The following RP1 variants were observed in gnomAD, a reference collection of about 807,000 sequenced individuals.
The protein encoded by RP1 is RP1 axonemal microtubule associated.
RP1 carries 16 observed loss-of-function variants against 14.8 expected under a neutral mutation model. The observed-to-expected ratio is 1.08, with a 90% CI of 0.73 to 1.65. RP1 has a LOEUF of 1.65. Ranked by LOEUF, RP1 falls within the 40% of genes most tolerant of loss-of-function variation. The pLI is 0.00. For synonymous variants in RP1, 876 were observed against 883.6 expected (o/e 0.99, Z 0.15); for missense variants, 2,631 against 2,535.0 (o/e 1.04, Z -0.81).
At chr8:54,863,338 C>T (rs1350682966) in intron 27 of RP1, among the ~76,000 whole-genome samples, 1 of 152,178 alleles carries the variant, frequency 6.6e-6, no homozygotes, top group Non-Finnish European at 1.5e-5. Flanking sequence ...TGCCATATCA[C>T]CTAGGTGTGT....
intron 5 of RP1, chr8:54,652,905 CCT>C (rs1351258218): frequency 1.4e-6 from 2 of 1,381,818 alleles, no homozygotes; most frequent in African/African-American, 2.9e-5. Flanking sequence ...TTTGCAAAAT[CCT>C]CTGCATATTC....
At chr8:54,701,803 T>C in intron 14 of RP1, 1 of 729,106 alleles carries the variant, frequency 1.4e-6, no homozygotes, top group East Asian at 2.8e-5. Context: ...ATTTCCATTC[T>C]GTTTGGCAGA....
intron 24 of RP1, among the ~76,000 whole-genome samples, chr8:54,827,990 G>C (rs1486155226): frequency 1.3e-5 from 2 of 152,040 alleles, no homozygotes; most frequent in African/African-American, 2.4e-5. Flanking sequence ...GGCCTACACA[G>C]GGTCAGGACC....
At chr8:54,787,650 G>A (rs886560612) in intron 24 of RP1, among the ~76,000 whole-genome samples, 2 of 152,134 alleles carry the variant, frequency 1.3e-5, no homozygotes, top group South Asian at 2.1e-4. Context: ...TGCTTATGCC[G>A]TTCACTCCTA....
intron 7 of RP1, among the ~76,000 whole-genome samples, chr8:54,669,608 CA>C (rs1807101410): frequency 6.6e-6 from 1 of 152,064 alleles, no homozygotes; most frequent in African/African-American, 2.4e-5. Flanking sequence ...TTCACAATAG[CA>C]AAGACTTGGA....
intron 12 of RP1, among the ~76,000 whole-genome samples, chr8:54,683,995 GTTT>G (rs35978244): frequency 5.3e-5 from 7 of 132,036 alleles, no homozygotes; most frequent in Admixed American, 7.6e-5. Context: ...TTGCTTGAGA[GTTT>G]TTTTTTTTTT....
intron 12 of RP1, among the ~76,000 whole-genome samples, chr8:54,690,219 T>A (rs1807677721): frequency 6.6e-6 from 1 of 152,196 alleles, no homozygotes; most frequent in Non-Finnish European, 1.5e-5. Flanking sequence ...TCTGAGGTCA[T>A]TGCTAATAGT....
chr8:54,675,821 C>T (rs1331906541), intron 8 of RP1, among the ~76,000 whole-genome samples: 2 of 152,070 alleles, frequency 1.3e-5, no homozygotes, highest in Non-Finnish European at 2.9e-5. Context: ...GAAGCAAGAC[C>T]TCACCATCTG....
At chr8:54,843,402 C>T (rs1266078706) in intron 25 of RP1, among the ~76,000 whole-genome samples, 2 of 152,014 alleles carry the variant, frequency 1.3e-5, no homozygotes, top group South Asian at 4.1e-4. Context: ...TCTTTTTCAA[C>T]AATCAGATAT....
At chr8:54,589,256 A>G (rs1804993644) in intron 1 of RP1, among the ~76,000 whole-genome samples, 1 of 152,170 alleles carries the variant, frequency 6.6e-6, no homozygotes, top group Admixed American at 6.5e-5. Flanking sequence ...AGGTTATAAA[A>G]TCACCTGCAT....
intron 27 of RP1, among the ~76,000 whole-genome samples, chr8:54,864,327 T>C (rs1476095282): frequency 6.6e-6 from 1 of 152,164 alleles, no homozygotes; most frequent in Non-Finnish European, 1.5e-5. Context: ...AGTTTAATAA[T>C]TTGCTAAGAT....
chr8:54,624,443 C>CAAAAAAAAAAAAAAAAAAAAAAAAA (rs11332494), intron 3 of RP1, among the ~76,000 whole-genome samples: 4 of 56,594 alleles, frequency 7.1e-5, no homozygotes, highest in African/African-American at 2.5e-4. Flanking sequence ...GACTCTGTCT[C>CAAAAAAAAAAAAAAAAAAAAAAAAA]AAAAAAAAAA....
At chr8:54,635,081 CAA>C (rs764704971), downstream of RP1, among the ~76,000 whole-genome samples, 24 of 91,992 alleles carry the variant, frequency 2.6e-4, no homozygotes, top group Admixed American at 3.6e-4. Flanking sequence ...GACTCCATCT[CAA>C]AAAAAAAAAA....
chr8:54,687,369 G>T (rs2129338032), intron 12 of RP1, among the ~76,000 whole-genome samples: 1 of 152,168 alleles, frequency 6.6e-6, no homozygotes, highest in African/African-American at 2.4e-5. Context: ...GTGCAGGTTT[G>T]TTACGTAGGT....
chr8:54,752,916 C>T (rs1809410945), intron 19 of RP1, among the ~76,000 whole-genome samples: 2 of 151,994 alleles, frequency 1.3e-5, no homozygotes, highest in African/African-American at 2.4e-5. Context: ...TTATACTAAC[C>T]TTTTTAATAT....
chr8:54,665,825 G>A (rs952787765), intron 7 of RP1, among the ~76,000 whole-genome samples: 3 of 152,142 alleles, frequency 2.0e-5, no homozygotes, highest in African/African-American at 7.2e-5. Context: ...CTGGATGCAA[G>A]ATAATTAAAA....
chr8:54,859,200 T>C (rs751666915), intron 27 of RP1, among the ~76,000 whole-genome samples: 2 of 151,838 alleles, frequency 1.3e-5, no homozygotes, highest in Non-Finnish European at 2.9e-5. Context: ...TGTAGTGCAA[T>C]GTCACTGTGG....
chr8:54,749,254 A>C (rs141092235), intron 19 of RP1, among the ~76,000 whole-genome samples: 5,727 of 151,874 alleles, frequency 0.038, 236 homozygotes, highest in African/African-American at 0.095. Context: ...TGGTGTGAAC[A>C]TGGGAGGCGG....
At chr8:54,739,273 G>A (rs988691001) in intron 19 of RP1, among the ~76,000 whole-genome samples, 4 of 152,094 alleles carry the variant, frequency 2.6e-5, no homozygotes, top group African/African-American at 9.7e-5. Context: ...TTCGACTTAT[G>A]ATGGCGTGAA....
Sources: gnomAD v4.1 joint callset for allele counts (sites outside exome capture counted in the v4.1 genomes callset) on GRCh38, gnomAD v4.1.1 for gene constraint, MANE v1.5 for transcripts, NCBI Gene and HGNC (gene_info 2026-07-23, HGNC 2026-07-21) for gene names.